GDPD3: variants seen among roughly 807,000 people sequenced by gnomAD.
GDPD3 encodes the protein glycerophosphodiester phosphodiesterase domain containing 3.
Under a neutral mutation model 43.7 loss-of-function variants are expected in GDPD3, and 40 were observed. The ratio of observed to expected loss-of-function variants is 0.91; its 90% CI spans 0.71 to 1.19. GDPD3 has a LOEUF of 1.19. GDPD3 is among the 50% of genes most tolerant of loss of function. GDPD3 has a pLI of 0.00. For missense variants in GDPD3, 363 were observed against 415.8 expected, an observed-to-expected ratio of 0.87 and a Z score of 1.11; for synonymous variants, 145 against 162.9, an observed-to-expected ratio of 0.89 and a Z score of 0.84.
chr16:30,111,249 C>T (rs2072896404), intron 7 of GDPD3, 139 bp downstream of exon 7: 1 of 925,694 alleles, frequency 1.1e-6, no homozygotes, highest in Non-Finnish European at 1.7e-6. Flanking sequence ...TTCATGAATG[C>T]TGGGTAAGAA....
At chr16:30,111,670 C>T (rs529565132) in intron 6 of GDPD3, 149 bp from the exon 7 acceptor site, 7 of 795,720 alleles carry the variant, frequency 8.8e-6, no homozygotes, top group Admixed American at 2.6e-5. Context: ...TGGTGGCTCA[C>T]GCCTGTAACC....
chr16:30,105,711 G>A (rs1264346284), intron 9 of GDPD3, among the ~76,000 whole-genome samples: 1 of 149,800 alleles, frequency 6.7e-6, no homozygotes, highest in African/African-American at 2.4e-5. Context: ...CACCATGTTA[G>A]CCAGGATGGT....
chr16:30,108,989 G>T (rs575543152), intron 7 of GDPD3, among the ~76,000 whole-genome samples: 5 of 151,056 alleles, frequency 3.3e-5, no homozygotes, highest in African/African-American at 4.8e-5. Context: ...CCGCCACCAC[G>T]CCTGCTAATT....
chr16:30,106,216 G>A (rs2072860019), intron 9 of GDPD3, among the ~76,000 whole-genome samples: 1 of 152,174 alleles, frequency 6.6e-6, no homozygotes, highest in Non-Finnish European at 1.5e-5. Context: ...CTGTGTTCTT[G>A]AAGTGATTAA....
At position 30,112,881 on chromosome 16, in the gene GDPD3, G is replaced by C; in HGVS notation, c.183-88C>G. The stretch of plus-strand genomic sequence containing the variant: ...GGGAGGTGGCCGGGAATGTGAGAGC[G>C]GAGTTCGTGGCGGGATGTGCAGGCC... On this transcript the variant is annotated intron_variant, in intron 2 of 9. Coordinates refer to ENST00000406256, the MANE Select transcript of GDPD3 (RefSeq NM_024307.3). This position sits in a 1 kb window ranked among gnomAD's most constrained non-coding sequence, Gnocchi z 5.4. 6.5e-7 allele frequency: 1 copy of C among 1,537,388 alleles called. No homozygotes were observed. Among genetic ancestry groups the C allele is most frequent in the Admixed American group, 1.7e-5 (1 of 58,686 alleles).
At chr16:30,107,990 C>A (rs1359831866) in intron 9 of GDPD3, 1 of 306,426 alleles carries the variant, frequency 3.3e-6, no homozygotes, top group African/African-American at 2.3e-5. Context: ...ACTCTTGACA[C>A]ACACACACAC....
At position 30,112,637 on chromosome 16, in the gene GDPD3, G is replaced by C; in HGVS notation, c.318+21C>G. 6.2e-7 allele frequency: 1 copy of C among 1,614,030 alleles called. No individual in the cohort carries two copies. The highest frequency in any genetic ancestry group is 1.3e-5 in the African/African-American group (1 of 75,028). ...ATGGTGACTCTCAGGGTGGGGGTTG[G>C]GGTGTCAGGGCAGGGCCCACCTCGA... On this transcript the variant is annotated intron_variant, in intron 3 of 9. Transcript: ENST00000406256. This position sits in a 1 kb window ranked among gnomAD's most constrained non-coding sequence, Gnocchi z 5.4.
At chr16:30,107,986 GACACAC>G (rs113091799) in intron 9 of GDPD3, 92 of 269,204 alleles carry the variant, frequency 3.4e-4, no homozygotes, top group South Asian at 1.3e-3. Context: ...TGAGACTCTT[GACACAC>G]ACACACACAC....
intron 9 of GDPD3, among the ~76,000 whole-genome samples, chr16:30,106,785 T>C (rs1038226714): frequency 5.3e-5 from 8 of 152,108 alleles, no homozygotes; most frequent in African/African-American, 1.9e-4. Flanking sequence ...CGGCTCACTA[T>C]AGCCTCCAGC....
At position 30,112,848 on chromosome 16, in the gene GDPD3, T is replaced by TGGTGGCTGGGA; in HGVS notation, c.183-66_183-56dup. 1.3e-6 allele frequency: 2 copies of TGGTGGCTGGGA among 1,584,216 alleles called. No homozygotes were observed. Among genetic ancestry groups the TGGTGGCTGGGA allele is most frequent in the African/African-American group, 2.7e-5 (2 of 74,400 alleles). ...GGGCAGGGGACTGGGATGAGGGGCA[T>TGGTGGCTGGGA]GGTGGCTGGGAGGTGGCCGGGAATG... On this transcript the variant is annotated intron_variant, in intron 2 of 9. Coordinates refer to ENST00000406256, the MANE Select transcript of GDPD3 (RefSeq NM_024307.3). This position sits in a 1 kb window ranked among gnomAD's most constrained non-coding sequence, Gnocchi z 5.4.
chr16:30,105,693 T>C (rs1245253867), intron 9 of GDPD3, among the ~76,000 whole-genome samples: 1 of 149,804 alleles, frequency 6.7e-6, no homozygotes, highest in Non-Finnish European at 1.5e-5. Flanking sequence ...TTAGTAGAGA[T>C]GGGGTTTCAC....
intron 7 of GDPD3, 85 bp from the exon 8 acceptor site, chr16:30,108,517 A>G: frequency 8.1e-7 from 1 of 1,234,050 alleles, no homozygotes; most frequent in Non-Finnish European, 1.2e-6. Flanking sequence ...CCCGCCAACT[A>G]GGGTAGCGCT....
intron 9 of GDPD3, chr16:30,107,776 G>A (rs1336305263): frequency 6.5e-6 from 1 of 154,448 alleles, no homozygotes; most frequent in African/African-American, 2.4e-5. Context: ...GATCACTTGA[G>A]GCCAGGAGTT....
chr16:30,113,507 C>T lies in GDPD3; in HGVS notation c.-29G>A. Reference sequence around the variant, plus strand: ...CGTACTCCCACAGAAGCTCCTGCAGCCACACGCTCAGCCGTCCGCGGGACT... The same window carrying T: ...CGTACTCCCACAGAAGCTCCTGCAGTCACACGCTCAGCCGTCCGCGGGACT... On this transcript the variant is annotated 5_prime_UTR_variant, in exon 1 of 10. Coordinates refer to ENST00000406256, the MANE Select transcript of GDPD3 (RefSeq NM_024307.3). This position sits in a 1 kb window ranked among gnomAD's most constrained non-coding sequence, Gnocchi z 5.9. The T allele has an allele frequency of 5.3e-6, 8 of 1,517,408 alleles. No homozygotes were observed. Among genetic ancestry groups the T allele is most frequent in the Non-Finnish European group, 7.1e-6 (8 of 1,124,358 alleles). The allele number at this position is 1,517,408 out of a possible 1,614,324, so 94.0% of individuals were successfully genotyped here.
chr16:30,108,997 AT>A (rs199796431), intron 7 of GDPD3, among the ~76,000 whole-genome samples: 10 of 151,732 alleles, frequency 6.6e-5, no homozygotes, highest in Admixed American at 1.3e-4. Context: ...ACGCCTGCTA[AT>A]TTTTTGTATT....
At chr16:30,105,938 C>T (rs2072857620) in intron 9 of GDPD3, among the ~76,000 whole-genome samples, 2 of 151,546 alleles carry the variant, frequency 1.3e-5, no homozygotes, top group South Asian at 4.2e-4. Flanking sequence ...TGGTGAAATC[C>T]CATCTCTACT....
intron 7 of GDPD3, among the ~76,000 whole-genome samples, chr16:30,109,800 C>A (rs189589640): frequency 2.0e-5 from 3 of 151,980 alleles, no homozygotes; most frequent in African/African-American, 7.2e-5. Context: ...AGCAAAACTC[C>A]GTCTCAAAAA....
In GDPD3 at chr16:30,112,197, CAT is replaced by C; in HGVS notation, c.506_507del (p.Tyr169Ter). On this transcript the variant is annotated frameshift_variant, in exon 6 of 10. Coordinates refer to ENST00000406256, the MANE Select transcript of GDPD3 (RefSeq NM_024307.3). LOFTEE classifies it high-confidence loss of function. The surrounding 1 kb of genome is among the most constrained non-coding windows in gnomAD (Gnocchi z 5.4). ...GCCCAGATGGTGATTTCATTACGGT[CAT>C]AGCGTCTCACCAAGCCTGCTATCTG... ...IREIAGLVRR[Y>X]DRNEITIWAS... is the part of the protein sequence containing the mutation. 2.5e-6 allele frequency: 4 copies of C among 1,614,136 alleles called. No homozygotes were observed. The highest frequency in any genetic ancestry group is 3.4e-6 in the Non-Finnish European group (4 of 1,180,024).
intron 7 of GDPD3, 36 bp from the exon 8 acceptor site, chr16:30,108,468 G>T (rs1175352486): frequency 1.9e-6 from 3 of 1,600,292 alleles, no homozygotes; most frequent in Admixed American, 1.7e-5. Flanking sequence ...AGCTCCTAGG[G>T]TCTCCCCTGT....
Sources: gnomAD v4.1 joint callset for allele counts (sites outside exome capture counted in the v4.1 genomes callset) on GRCh38, gnomAD v4.1.1 for gene constraint, Gnocchi (gnomAD v3.1) non-coding constraint, MANE v1.5 for transcripts, NCBI Gene and HGNC (gene_info 2026-07-23, HGNC 2026-07-21) for gene names.